The following SCLT1 variants were observed in gnomAD, a reference collection of about 807,000 sequenced individuals.
SCLT1 encodes the protein sodium channel and clathrin linker 1.
Under a neutral mutation model 112.8 loss-of-function variants are expected in SCLT1, and 78 were observed. The ratio of observed to expected loss-of-function variants is 0.69; its 90% CI spans 0.58 to 0.83. The LOEUF is 0.83. Ranked by LOEUF, SCLT1 falls within the 40% of genes least tolerant of loss-of-function variation. The pLI, the probability that SCLT1 is intolerant of heterozygous loss-of-function variation, is 0.00. For synonymous variants in SCLT1, 257 were observed against 254.7 expected (o/e 1.01, Z -0.09); for missense variants, 747 against 770.4 (o/e 0.97, Z 0.36).
chr4:129,053,112 T>C (rs1320692440), intron 2 of SCLT1, among the ~76,000 whole-genome samples: 1 of 152,226 alleles, frequency 6.6e-6, no homozygotes. Context: ...ATGATTTCCA[T>C]TCTTTTGAAT....
intron 18 of SCLT1, among the ~76,000 whole-genome samples, chr4:128,925,388 G>T (rs1157019119): frequency 1.3e-5 from 2 of 151,904 alleles, no homozygotes; most frequent in Non-Finnish European, 2.9e-5. Context: ...TGTCATCCAG[G>T]CTGGAGTGCA....
At chr4:128,890,092 A>G (rs1157406137) in intron 19 of SCLT1, among the ~76,000 whole-genome samples, 1 of 152,224 alleles carries the variant, frequency 6.6e-6, no homozygotes, top group African/African-American at 2.4e-5. Flanking sequence ...AGCACATCAT[A>G]TGCTAGAGAA....
chr4:128,880,506 G>T (rs529218166), downstream of SCLT1, among the ~76,000 whole-genome samples: 1 of 152,200 alleles, frequency 6.6e-6, no homozygotes, highest in Admixed American at 6.5e-5. Flanking sequence ...ACCTCAGCAG[G>T]TTATAATAAT....
chr4:128,899,871 T>C (rs1399331918), intron 18 of SCLT1, among the ~76,000 whole-genome samples: 1 of 152,160 alleles, frequency 6.6e-6, no homozygotes, highest in African/African-American at 2.4e-5. Flanking sequence ...AGAATTCTTA[T>C]ACACCAATAA....
At chr4:129,026,446 G>A (rs1401357917) in intron 5 of SCLT1, among the ~76,000 whole-genome samples, 2 of 151,976 alleles carry the variant, frequency 1.3e-5, no homozygotes, top group Admixed American at 1.3e-4. Flanking sequence ...GCTCCTGAAT[G>A]ACTACTGGGT....
intron 6 of SCLT1, among the ~76,000 whole-genome samples, chr4:129,002,905 A>G (rs1398449990): frequency 6.6e-6 from 1 of 152,172 alleles, no homozygotes; most frequent in African/African-American, 2.4e-5. Context: ...AACTAGAAAT[A>G]CCATTTGATC....
intron 1 of SCLT1, among the ~76,000 whole-genome samples, chr4:129,088,841 C>T (rs28886085): frequency 6.8e-4 from 104 of 152,224 alleles, no homozygotes; most frequent in African/African-American, 2.4e-3. Context: ...ACACCTCATA[C>T]AAAAATCAAC....
At chr4:129,006,220 A>C (rs1744003537) in intron 5 of SCLT1, among the ~76,000 whole-genome samples, 1 of 152,148 alleles carries the variant, frequency 6.6e-6, no homozygotes, top group South Asian at 2.1e-4. Context: ...TATAATTATA[A>C]CTGACAGTAA....
chr4:129,064,767 A>C (rs964767947), intron 2 of SCLT1, among the ~76,000 whole-genome samples: 2 of 152,150 alleles, frequency 1.3e-5, no homozygotes, highest in Admixed American at 6.5e-5. Context: ...CATACTGTTA[A>C]ATTTCAAAGC....
In SCLT1 at chr4:129,043,400, A is replaced by T; in HGVS notation, c.229T>A (p.Tyr77Asn). Reference sequence around the variant, plus strand: ...TCATAACTATGATTTCATACCTGGTAATATTTCAGCTGCCCATTTAGTTCT... The same window carrying T: ...TCATAACTATGATTTCATACCTGGTTATATTTCAGCTGCCCATTTAGTTCT... ...LGELNGQLKY[Y>N]QKQVGEMKLQ... is the part of the protein sequence containing the mutation. Residue 77 changes from tyrosine to asparagine, a missense_variant, in exon 4 of 21, where the codon TAC (tyrosine) becomes AAC (asparagine). Tyr to Asn is a moderately radical substitution (Grantham distance 143). Coordinates refer to ENST00000281142, the MANE Select transcript of SCLT1 (RefSeq NM_144643.4). 1 of 1,459,528 alleles carries T rather than the reference A, an allele frequency of 6.9e-7. No individual in the cohort carries two copies. Among genetic ancestry groups the T allele is most frequent in the Non-Finnish European group, 9.5e-7 (1 of 1,050,184 alleles). The allele number at this position is 1,459,528 out of a possible 1,614,324, so 90.4% of individuals were successfully genotyped here. A position where few individuals can be genotyped will look rare whatever the true frequency, so the allele number is the denominator to read the frequency against.
intron 10 of SCLT1, 133 bp downstream of exon 10, chr4:128,970,245 T>C (rs1740575186): frequency 1.6e-6 from 1 of 634,656 alleles, no homozygotes; most frequent in South Asian, 1.8e-5. Context: ...CTTCCTACTT[T>C]CATATTTTAA....
intron 9 of SCLT1, among the ~76,000 whole-genome samples, chr4:128,991,235 A>G (rs1742540780): frequency 6.6e-6 from 1 of 151,890 alleles, no homozygotes; most frequent in Non-Finnish European, 1.5e-5. Context: ...ACAGACACAG[A>G]TGAACTGAAC....
chr4:128,973,105 AT>A (rs1740835935), intron 9 of SCLT1, among the ~76,000 whole-genome samples: 1 of 151,924 alleles, frequency 6.6e-6, no homozygotes, highest in Non-Finnish European at 1.5e-5. Flanking sequence ...TTTCTAACCA[AT>A]TCCTTAATTT....
chr4:129,010,914 T>TC (rs1370467190), intron 5 of SCLT1, among the ~76,000 whole-genome samples: 1 of 152,218 alleles, frequency 6.6e-6, no homozygotes, highest in East Asian at 1.9e-4. Context: ...TTACATTTCT[T>TC]CCTCTTGCCT....
intron 18 of SCLT1, among the ~76,000 whole-genome samples, chr4:128,892,504 T>G (rs1399545349): frequency 6.6e-6 from 1 of 152,196 alleles, no homozygotes; most frequent in Non-Finnish European, 1.5e-5. Flanking sequence ...ACTTCCAAAA[T>G]AACTTCAGCT....
intron 5 of SCLT1, among the ~76,000 whole-genome samples, chr4:129,030,489 T>C (rs1002230749): frequency 6.6e-6 from 1 of 151,892 alleles, no homozygotes; most frequent in Non-Finnish European, 1.5e-5. Context: ...GACAGAGACA[T>C]GAAAAACTGC....
chr4:128,955,281 T>C (rs888582454), intron 13 of SCLT1, among the ~76,000 whole-genome samples: 1 of 152,226 alleles, frequency 6.6e-6, no homozygotes, highest in African/African-American at 2.4e-5. Context: ...CCTCACTTTA[T>C]ATAAGCATTT....
intron 18 of SCLT1, among the ~76,000 whole-genome samples, chr4:128,931,694 C>T (rs1736781926): frequency 6.6e-6 from 1 of 152,180 alleles, no homozygotes; most frequent in South Asian, 2.1e-4. Context: ...GATCTCTTGA[C>T]CTCGTGATCA....
At chr4:128,912,262 A>C (rs318540) in intron 18 of SCLT1, among the ~76,000 whole-genome samples, 116,198 of 152,008 alleles carry the variant, frequency 0.76, 45,422 homozygotes, top group African/African-American at 0.94. Context: ...AAAAACAAAA[A>C]CACTTCTAAG....
Sources: allele counts gnomAD v4.1 joint callset (sites outside exome capture counted in the v4.1 genomes callset), GRCh38; gene constraint gnomAD v4.1.1; transcripts MANE v1.5; gene names NCBI Gene and HGNC (gene_info 2026-07-23, HGNC 2026-07-21).